The following PCDH15 variants were observed in gnomAD, a reference collection of about 807,000 sequenced individuals.
The protein encoded by PCDH15 is protocadherin-15.
Under a neutral mutation model 178.5 loss-of-function variants are expected in PCDH15, and 129 were observed. The ratio of observed to expected loss-of-function variants is 0.72; its 90% CI spans 0.63 to 0.84. PCDH15 has a LOEUF of 0.84. PCDH15 is among the 40% of genes least tolerant of loss of function. The probability of loss-of-function intolerance (pLI) is 0.00; values close to 1 mark genes in which losing one functional copy is unlikely to be tolerated. For missense variants in PCDH15, 2,230 were observed against 2,099.9 expected, an observed-to-expected ratio of 1.06 and a Z score of -1.21; for synonymous variants, 800 against 732.0, an observed-to-expected ratio of 1.09 and a Z score of -1.50.
chr10:54,812,521 C>T (rs918857675), intron 3 of PCDH15, among the ~76,000 whole-genome samples: 4 of 151,888 alleles, frequency 2.6e-5, no homozygotes, highest in African/African-American at 9.7e-5. Context: ...TGCAGTGGCG[C>T]GATCTCAGCT....
intron 2 of PCDH15, among the ~76,000 whole-genome samples, chr10:55,343,215 T>C (rs1844650389): frequency 6.6e-6 from 1 of 152,114 alleles, no homozygotes; most frequent in Admixed American, 6.6e-5. Context: ...ATCAGGTAAT[T>C]TACCAAACTA....
chr10:55,217,907 T>G (rs1030515037), intron 1 of PCDH15, among the ~76,000 whole-genome samples: 1 of 152,006 alleles, frequency 6.6e-6, no homozygotes, highest in Non-Finnish European at 1.5e-5. Flanking sequence ...ACAGCTTTTT[T>G]GTAAACATAA....
chr10:54,419,415 A>T (rs530908727), intron 3 of PCDH15, among the ~76,000 whole-genome samples: 1 of 152,050 alleles, frequency 6.6e-6, no homozygotes, highest in South Asian at 2.1e-4. Context: ...CTTCATTTGC[A>T]TTTATTTCTG....
intron 1 of PCDH15, among the ~76,000 whole-genome samples, chr10:55,305,979 T>C (rs1843413362): frequency 6.6e-6 from 1 of 152,224 alleles, no homozygotes; most frequent in Non-Finnish European, 1.5e-5. Context: ...TAAAGTAATA[T>C]TTATTTTTTA....
chr10:54,860,884 T>C (rs571787600), intron 3 of PCDH15, among the ~76,000 whole-genome samples: 1 of 152,290 alleles, frequency 6.6e-6, no homozygotes, highest in South Asian at 2.1e-4. Flanking sequence ...TCCTAGGCGA[T>C]CATTAAGGCA....
intron 13 of PCDH15, among the ~76,000 whole-genome samples, chr10:54,179,993 G>A (rs1430814130): frequency 6.6e-6 from 1 of 152,148 alleles, no homozygotes; most frequent in African/African-American, 2.4e-5. Context: ...TGGTATTAGT[G>A]GAGCATAGTA....
At chr10:53,929,395 T>C (rs764822911) in intron 25 of PCDH15, among the ~76,000 whole-genome samples, 1 of 152,170 alleles carries the variant, frequency 6.6e-6, no homozygotes, top group Non-Finnish European at 1.5e-5. Flanking sequence ...AATGATATTA[T>C]CGTGTTAATT....
chr10:54,646,772 T>C (rs1470514096), intron 2 of PCDH15, among the ~76,000 whole-genome samples: 1 of 151,938 alleles, frequency 6.6e-6, no homozygotes, highest in Non-Finnish European at 1.5e-5. Context: ...CTGATACAAA[T>C]GCAAAAATGA....
intron 2 of PCDH15, among the ~76,000 whole-genome samples, chr10:55,518,874 T>C (rs1348047753): frequency 6.6e-6 from 1 of 151,452 alleles, no homozygotes; most frequent in Admixed American, 6.6e-5. Flanking sequence ...GCAGGCAGAA[T>C]ACGAGGTCAG....
chr10:55,280,748 G>A (rs992866817), intron 1 of PCDH15, among the ~76,000 whole-genome samples: 2 of 152,086 alleles, frequency 1.3e-5, no homozygotes, highest in African/African-American at 4.8e-5. Flanking sequence ...CTAAAACTAA[G>A]ATTTATTTTA....
intron 8 of PCDH15, among the ~76,000 whole-genome samples, chr10:54,297,285 G>A (rs369572062): frequency 1.4e-4 from 22 of 152,180 alleles, no homozygotes; most frequent in East Asian, 1.4e-3. Context: ...AATTTGACCC[G>A]CAAACCCTGA....
At chr10:54,362,095 A>G (rs1946140306) in intron 5 of PCDH15, among the ~76,000 whole-genome samples, 1 of 152,124 alleles carries the variant, frequency 6.6e-6, no homozygotes. Flanking sequence ...CATGGAAAAC[A>G]CTTAGAATTT....
chr10:54,076,356 A>T (rs1254224222), intron 17 of PCDH15, among the ~76,000 whole-genome samples: 1 of 152,200 alleles, frequency 6.6e-6, no homozygotes, highest in Non-Finnish European at 1.5e-5. Context: ...GTGTGTGCAA[A>T]CATGAAACAT....
chr10:54,905,973 CT>C (rs1209841644), intron 2 of PCDH15, among the ~76,000 whole-genome samples: 2 of 152,084 alleles, frequency 1.3e-5, no homozygotes, highest in Non-Finnish European at 2.9e-5. Flanking sequence ...GGCCTTACAT[CT>C]GGTAACAATG....
intron 2 of PCDH15, among the ~76,000 whole-genome samples, chr10:55,100,400 T>A (rs1004758002): frequency 1.6e-4 from 24 of 152,174 alleles, no homozygotes; most frequent in African/African-American, 5.5e-4. Flanking sequence ...AGCACCGTAC[T>A]CTTGAATCCA....
intron 3 of PCDH15, among the ~76,000 whole-genome samples, chr10:54,884,929 T>C (rs1258940085): frequency 6.6e-6 from 1 of 152,008 alleles, no homozygotes; most frequent in Middle Eastern, 3.4e-3. Context: ...TCTCATGTGA[T>C]TTTATGTAAA....
chr10:55,169,798 A>C (rs1438450663), intron 1 of PCDH15, among the ~76,000 whole-genome samples: 1 of 152,208 alleles, frequency 6.6e-6, no homozygotes, highest in East Asian at 1.9e-4. Context: ...CCTAGGTGTG[A>C]AGTGGAAATA....
intron 1 of PCDH15, among the ~76,000 whole-genome samples, chr10:55,210,621 T>TC (rs1840540469): frequency 7.5e-5 from 6 of 79,828 alleles, no homozygotes; most frequent in Non-Finnish European, 1.8e-4. Flanking sequence ...TTCTTTTCTT[T>TC]TTTTTTTTTT....
chr10:54,171,880 C>G (rs2046946596), intron 13 of PCDH15, among the ~76,000 whole-genome samples: 1 of 151,104 alleles, frequency 6.6e-6, no homozygotes, highest in Non-Finnish European at 1.5e-5. Context: ...ACCACAAGGC[C>G]TCCCTTCAGC....
Sources: allele counts gnomAD v4.1 joint callset (sites outside exome capture counted in the v4.1 genomes callset), GRCh38; gene constraint gnomAD v4.1.1; transcripts MANE v1.5; gene names NCBI Gene and HGNC (gene_info 2026-07-23, HGNC 2026-07-21).